Variants in IGFBP5 observed in about 807,000 individuals in gnomAD.
IGFBP5 encodes the protein insulin like growth factor binding protein 5.
A neutral mutation model predicts 28.0 loss-of-function variants in IGFBP5; 12 were observed. The ratio of observed to expected loss-of-function variants is 0.43; its 90% CI spans 0.27 to 0.69. IGFBP5 has a LOEUF of 0.69. Ranked by LOEUF, IGFBP5 falls within the 30% of genes least tolerant of loss-of-function variation. The pLI is 0.20. For missense variants in IGFBP5, 344 were observed against 381.6 expected (o/e 0.90, Z 0.82); for synonymous variants, 152 against 150.2 (o/e 1.01, Z -0.09).
At chr2:216,678,297 A>G in intron 2 of IGFBP5, 66 bp from the exon 3 acceptor site, 2 of 1,439,234 alleles carry the variant, frequency 1.4e-6, no homozygotes, top group South Asian at 1.6e-5. Flanking sequence ...GCGCTGACGA[A>G]TGGCCCAGGG....
In IGFBP5 at chr2:216,678,230, C is replaced by T. The variant is rs1688928108; in HGVS notation, c.569G>A (p.Gly190Asp). The change falls in exon 3 of 4, where the codon GGC (glycine) becomes GAC (aspartate). Residue 190 changes from glycine to aspartate, a missense_variant and splice_region_variant. This residue lies in a region of IGFBP5 where 304 missense variants were observed against 329.2 expected (regional missense o/e 0.92). Transcript: ENST00000233813. The stretch of plus-strand genomic sequence containing the variant: ...AGCCTCCATGTGTCTGCGGCAGGGG[C>T]CCTGTGTGGACAGGAGGGTGAGAGG... ...APEMRQESEQ[G>D]PCRRHMEASL... 4 of 1,560,830 alleles carry T rather than the reference C, an allele frequency of 2.6e-6. No homozygotes were observed. The highest frequency in any genetic ancestry group is 8.7e-7 in the Non-Finnish European group (1 of 1,150,848).
chr2:216,685,958 T>G (rs1301213089), intron 1 of IGFBP5, among the ~76,000 whole-genome samples: 2 of 151,380 alleles, frequency 1.3e-5, no homozygotes, highest in Admixed American at 1.3e-4. Context: ...CTTTTTAACC[T>G]GAATTATGGG....
chr2:216,677,671 C>T (rs1161943247), intron 3 of IGFBP5, among the ~76,000 whole-genome samples: 1 of 152,188 alleles, frequency 6.6e-6, no homozygotes, highest in Non-Finnish European at 1.5e-5. Flanking sequence ...GGGGCCCAGC[C>T]ATCAGCCATG....
At position 216,679,298 on chromosome 2, in the gene IGFBP5, CAG is replaced by C; in HGVS notation, c.338-221_338-220del. Reference sequence around the variant, plus strand: ...AGTTTCTGGCATGCTTGGAGTCAAGCAGAGAGTGCAGGCAGGGAGGCTTCACA... The same window carrying C: ...AGTTTCTGGCATGCTTGGAGTCAAGCAGAGTGCAGGCAGGGAGGCTTCACA... On this transcript the variant is annotated intron_variant, in intron 1 of 3. Transcript: ENST00000233813. The surrounding 1 kb of genome is among the most constrained non-coding windows in gnomAD (Gnocchi z 4.6). The C allele has an allele frequency of 1.7e-6, 1 of 597,492 alleles. No homozygotes were observed. The highest frequency in any genetic ancestry group is 3.1e-6 in the Non-Finnish European group (1 of 327,658). The allele number at this position is 597,492 out of a possible 1,614,324, so 37.0% of individuals were successfully genotyped here.
rs1193622339 is a variant in IGFBP5 at position 216,672,495 on chromosome 2, G to A, written c.*4256C>T. The A allele has an allele frequency of 6.6e-6, 1 of 150,664 alleles. No individual in the cohort carries two copies. Among genetic ancestry groups the A allele is most frequent in the Non-Finnish European group, 1.5e-5 (1 of 67,740 alleles). 9.3% of individuals were successfully genotyped at this position (150,664 alleles called of 1,614,324 possible). ...AAACTATAGAGAACTACAGTAATATGTACTGTGGTTATTGCTGTCTTCAAA... is the reference window on the plus strand; with the variant it reads ...AAACTATAGAGAACTACAGTAATATATACTGTGGTTATTGCTGTCTTCAAA... On this transcript the variant is annotated 3_prime_UTR_variant, in exon 4 of 4. Coordinates refer to ENST00000233813, the MANE Select transcript of IGFBP5 (RefSeq NM_000599.4).
In IGFBP5 at chr2:216,672,537, A is replaced by G. The variant is rs1688843043; in HGVS notation, c.*4214T>C. 1 of 152,258 alleles carries G rather than the reference A, an allele frequency of 6.6e-6. No homozygotes were observed. Among genetic ancestry groups the G allele is most frequent in the African/African-American group, 2.4e-5 (1 of 41,368 alleles). The allele number at this position is 152,258 out of a possible 1,614,324, so 9.4% of individuals were successfully genotyped here. ...GTCTTCAAAAAAAAAAAGAAAAAGA[A>G]AAACAACAACAACAACAACGAAAAC... On this transcript the variant is annotated 3_prime_UTR_variant, in exon 4 of 4. Transcript: ENST00000233813.
At chr2:216,681,204 G>A (rs775344221) in intron 1 of IGFBP5, among the ~76,000 whole-genome samples, 6 of 152,144 alleles carry the variant, frequency 3.9e-5, no homozygotes, top group Admixed American at 1.3e-4. Flanking sequence ...TTTTGGGCAC[G>A]TCTTATGGAG....
chr2:216,678,636 A>G, intron 2 of IGFBP5: 3 of 591,484 alleles, frequency 5.1e-6, no homozygotes. Context: ...TCCTCAAATG[A>G]GCACCGCCTC....
chr2:216,682,925 G>A (rs1288740943), intron 1 of IGFBP5, among the ~76,000 whole-genome samples: 3 of 151,982 alleles, frequency 2.0e-5, no homozygotes, highest in Admixed American at 2.0e-4. Context: ...AGCCAGGATG[G>A]TCTCGATCTC....
At chr2:216,681,423 C>T (rs116356351) in intron 1 of IGFBP5, among the ~76,000 whole-genome samples, 1 of 152,112 alleles carries the variant, frequency 6.6e-6, no homozygotes, top group Admixed American at 6.6e-5. Context: ...TGGCTGCTGA[C>T]CAGCGCATGC....
chr2:216,688,466 T>A (rs976394995), intron 1 of IGFBP5, among the ~76,000 whole-genome samples: 2 of 152,224 alleles, frequency 1.3e-5, no homozygotes, highest in African/African-American at 2.4e-5. Context: ...CTGTTTTTTT[T>A]ACCTTTTTAA....
intron 2 of IGFBP5, 144 bp downstream of exon 2, chr2:216,678,706 C>T: frequency 1.5e-6 from 1 of 662,346 alleles, no homozygotes; most frequent in Non-Finnish European, 2.6e-6. Context: ...GGAAACTCTA[C>T]TCCCACGTCC....
rs1204377857 is a variant in IGFBP5, at chr2:216,695,541, A to C, written c.-766T>G. On this transcript the variant is annotated 5_prime_UTR_variant, in exon 1 of 4. Coordinates refer to ENST00000233813, the MANE Select transcript of IGFBP5 (RefSeq NM_000599.4). ...TCTTTTCCCCTGCAGAAGTTTCCAA[A>C]GAGACTACGGGGCTCCGGGAGAGCA... 8 of 152,242 alleles carry C rather than the reference A, an allele frequency of 5.3e-5. No homozygotes were observed. The highest frequency in any genetic ancestry group is 1.2e-4 in the Non-Finnish European group (8 of 68,052). 9.4% of individuals were successfully genotyped at this position (152,242 alleles called of 1,614,324 possible). A position where few individuals can be genotyped will look rare whatever the true frequency, so the allele number is the denominator to read the frequency against.
chr2:216,683,929 C>G (rs536142201), intron 1 of IGFBP5, among the ~76,000 whole-genome samples: 2 of 152,216 alleles, frequency 1.3e-5, no homozygotes, highest in Admixed American at 6.5e-5. Flanking sequence ...ACTCAGTCCT[C>G]TTTCATTCAT....
chr2:216,676,718 G>C lies in IGFBP5; in HGVS notation c.*33C>G. The C allele has an allele frequency of 6.8e-7, 1 of 1,480,528 alleles. No individual in the cohort carries two copies. The highest frequency in any genetic ancestry group is 9.2e-7 in the Non-Finnish European group (1 of 1,083,498). The allele number at this position is 1,480,528 out of a possible 1,614,324, so 91.7% of individuals were successfully genotyped here. A position where few individuals can be genotyped will look rare whatever the true frequency, so the allele number is the denominator to read the frequency against. ...TGGCTGGAGTCGGGGCTGGGGGTGG[G>C]AGGGGGTGAGGGAAAGGTTGGGGGG... On this transcript the variant is annotated 3_prime_UTR_variant, in exon 4 of 4. Transcript: ENST00000233813.
chr2:216,682,584 AAAGAACT>A (rs1285526084), intron 1 of IGFBP5, among the ~76,000 whole-genome samples: 1 of 152,166 alleles, frequency 6.6e-6, no homozygotes. Context: ...GTGAACAGCA[AAAGAACT>A]CAACAGTCTG....
chr2:216,694,400 G>C lies in IGFBP5; in HGVS notation c.337+39C>G, dbSNP rs574463789. Reference sequence around the variant, plus strand: ...CCAGCCGGTCTCGTGTCCCCCGCCCGTGCGCCGCGTAACTGACTGGCACAC... The same window carrying C: ...CCAGCCGGTCTCGTGTCCCCCGCCCCTGCGCCGCGTAACTGACTGGCACAC... On this transcript the variant is annotated intron_variant, in intron 1 of 3. Coordinates refer to ENST00000233813, the MANE Select transcript of IGFBP5 (RefSeq NM_000599.4). This position sits in a 1 kb window ranked among gnomAD's most constrained non-coding sequence, Gnocchi z 5.2. 2.8e-6 allele frequency: 4 copies of C among 1,436,702 alleles called. No homozygotes were observed. The South Asian group carries it at 5.7e-5, about 21-fold the overall frequency. The allele number at this position is 1,436,702 out of a possible 1,614,324, so 89.0% of individuals were successfully genotyped here. A position where few individuals can be genotyped will look rare whatever the true frequency, so the allele number is the denominator to read the frequency against.
At position 216,679,237 on chromosome 2, in the gene IGFBP5, C is replaced by T. The variant is rs1688941584; in HGVS notation, c.338-158G>A. ...ACCCTGAAAGCAGGGGGATAAGAAC[C>T]AGGAAGCAGAGGGAATGCTCATTTA... On this transcript the variant is annotated intron_variant, in intron 1 of 3. Coordinates refer to ENST00000233813, the MANE Select transcript of IGFBP5 (RefSeq NM_000599.4). The surrounding 1 kb of genome is among the most constrained non-coding windows in gnomAD (Gnocchi z 4.6). 3.0e-6 allele frequency: 2 copies of T among 669,392 alleles called. No individual in the cohort carries two copies. Among genetic ancestry groups the T allele is most frequent in the Non-Finnish European group, 5.4e-6 (2 of 366,982 alleles). 41.5% of individuals were successfully genotyped at this position (669,392 alleles called of 1,614,324 possible).
At chr2:216,682,731 CAG>C (rs1275184075) in intron 1 of IGFBP5, among the ~76,000 whole-genome samples, 4 of 150,454 alleles carry the variant, frequency 2.7e-5, no homozygotes, top group African/African-American at 9.8e-5. Flanking sequence ...TTTTTTGAGA[CAG>C]AGTCTCCTTC....
Sources: gnomAD v4.1 joint callset for allele counts (sites outside exome capture counted in the v4.1 genomes callset) on GRCh38, gnomAD v4.1.1 for gene constraint, gnomAD v4.1.1 regional missense constraint, Gnocchi (gnomAD v3.1) non-coding constraint, MANE v1.5 for transcripts, NCBI Gene and HGNC (gene_info 2026-07-23, HGNC 2026-07-21) for gene names.